The following PINX1 variants were observed in gnomAD, a reference collection of about 807,000 sequenced individuals.
PINX1 encodes the protein PIN2/TERF1-interacting telomerase inhibitor 1.
PINX1 carries 34 observed loss-of-function variants against 25.4 expected under a neutral mutation model. The ratio of observed to expected loss-of-function variants is 1.34; its 90% CI spans 1.02 to 1.78. The LOEUF is 1.78. PINX1 is among the 40% of genes most tolerant of loss of function. The pLI is 0.00. For synonymous variants in PINX1, 197 were observed against 147.7 expected, an observed-to-expected ratio of 1.33 and a Z score of -2.42; for missense variants, 592 against 404.9, an observed-to-expected ratio of 1.46 and a Z score of -3.97.
chr8:10,810,210 G>C (rs1424429326), intron 6 of PINX1, among the ~76,000 whole-genome samples: 1 of 152,160 alleles, frequency 6.6e-6, no homozygotes, highest in Admixed American at 6.5e-5. Flanking sequence ...GGTTTGGAGG[G>C]GACACACGTC....
At chr8:10,836,820 T>C (rs1798420374) in intron 1 of PINX1, among the ~76,000 whole-genome samples, 1 of 152,230 alleles carries the variant, frequency 6.6e-6, no homozygotes, top group Non-Finnish European at 1.5e-5. Flanking sequence ...AGAGCAGGCC[T>C]GCCATGCTTC....
chr8:10,830,984 G>A (rs979065733), intron 4 of PINX1, among the ~76,000 whole-genome samples: 1 of 152,190 alleles, frequency 6.6e-6, no homozygotes, highest in Non-Finnish European at 1.5e-5. Flanking sequence ...TGTTGCAGAG[G>A]TACCTGCAAA....
chr8:10,765,663 C>T lies in PINX1; in HGVS notation c.725G>A (p.Arg242Lys). 1 of 1,614,010 alleles carries T rather than the reference C, an allele frequency of 6.2e-7. No individual in the cohort carries two copies. Among genetic ancestry groups the T allele is most frequent in the Non-Finnish European group, 8.5e-7 (1 of 1,179,904 alleles). ...GGCCACTCGCTCCTGGGCCTCGGCC[C>T]TCTCGGGCTTTCCCTCCGTGTGCCT... ...AKRHTEGKPE[R>K]AEAQERVAKK... The change falls in exon 7 of 7, where the codon AGG becomes AAG. Residue 242 changes from arginine (R) to lysine (K), a missense_variant. Transcript: ENST00000314787.
chr8:10,784,019 C>T (rs963228419), intron 6 of PINX1, among the ~76,000 whole-genome samples: 6 of 152,128 alleles, frequency 3.9e-5, no homozygotes, highest in Non-Finnish European at 5.9e-5. Flanking sequence ...TGGTTAAAGC[C>T]TTGTAAGAAT....
At chr8:10,834,273 A>T (rs761735029) in intron 2 of PINX1, 80 of 168,066 alleles carry the variant, frequency 4.8e-4, no homozygotes, top group Non-Finnish European at 7.3e-4. Flanking sequence ...TACATCCAGC[A>T]CTGCTGAGGA....
chr8:10,793,701 C>T (rs1383777533), intron 6 of PINX1, among the ~76,000 whole-genome samples: 2 of 149,530 alleles, frequency 1.3e-5, no homozygotes, highest in African/African-American at 2.5e-5. Context: ...TTTCAATAGC[C>T]AGAAAAAAAA....
chr8:10,773,099 G>T (rs938927183), intron 6 of PINX1, among the ~76,000 whole-genome samples: 1 of 152,132 alleles, frequency 6.6e-6, no homozygotes, highest in African/African-American at 2.4e-5. Context: ...ACATACAATA[G>T]GTGCTAAGTA....
At chr8:10,824,943 T>C (rs970004157) in intron 5 of PINX1, among the ~76,000 whole-genome samples, 3 of 152,068 alleles carry the variant, frequency 2.0e-5, no homozygotes, top group Admixed American at 6.5e-5. Context: ...TTCTGTTCCA[T>C]AGCACGCTGG....
intron 1 of PINX1, among the ~76,000 whole-genome samples, chr8:10,835,546 C>A (rs760394204): frequency 2.6e-5 from 4 of 152,202 alleles, no homozygotes; most frequent in African/African-American, 9.6e-5. Flanking sequence ...GCCCTCTGAC[C>A]CCTCTTTGAA....
intron 6 of PINX1, among the ~76,000 whole-genome samples, chr8:10,814,086 G>A (rs978416108): frequency 6.6e-6 from 1 of 152,066 alleles, no homozygotes; most frequent in Non-Finnish European, 1.5e-5. Context: ...AGGGGCCCTG[G>A]GAATCTCAAT....
In PINX1 at chr8:10,765,528, C is replaced by A; in HGVS notation, c.860G>T (p.Arg287Leu). The change falls in exon 7 of 7, where the codon CGG (arginine) becomes CTG (leucine). Residue 287 changes from arginine to leucine, a missense_variant. Transcript: ENST00000314787. Reference protein sequence around the residue: ...AGDHVQPPEGRDFTLKPKKRR... With the variant: ...AGDHVQPPEGLDFTLKPKKRR... The stretch of plus-strand genomic sequence containing the variant: ...CTTTTTGGGCTTCAGGGTGAAGTCC[C>A]GGCCCTCAGGCGGCTGCACATGGTC... 6.2e-7 allele frequency: 1 copy of A among 1,613,724 alleles called. No homozygotes were observed. The highest frequency in any genetic ancestry group is 8.5e-7 in the Non-Finnish European group (1 of 1,179,902).
chr8:10,790,923 T>C (rs937098252), intron 6 of PINX1, among the ~76,000 whole-genome samples: 6 of 151,900 alleles, frequency 3.9e-5, no homozygotes, highest in African/African-American at 1.5e-4. Context: ...CCTCCCCCAG[T>C]TTTTATTGAG....
rs546691055 is a variant in PINX1 at position 10,783,763 on chromosome 8, A to G, written c.472-17847T>C. Among the ~76,000 whole-genome samples, 3 of 152,352 alleles carry G rather than the reference A, an allele frequency of 2.0e-5. No homozygotes were observed. In the East Asian group the frequency reaches 5.8e-4, roughly 29 times the overall value. On this transcript the variant is annotated intron_variant, in intron 6 of 6. Coordinates refer to ENST00000314787, the MANE Select transcript of PINX1 (RefSeq NM_017884.6). ...GAATTGGAGGGGAGAGGGAAACAGGAAGAAAATGATTAAAGTACTATTACT... is the reference window on the plus strand; with the variant it reads ...GAATTGGAGGGGAGAGGGAAACAGGGAGAAAATGATTAAAGTACTATTACT...
intron 5 of PINX1, chr8:10,825,413 T>C (rs564620573): frequency 8.8e-5 from 47 of 534,808 alleles, no homozygotes; most frequent in Non-Finnish European, 1.5e-4. Flanking sequence ...ATGTAAACTA[T>C]GTAATAAGTA....
At chr8:10,767,097 G>T (rs780419915) in intron 6 of PINX1, among the ~76,000 whole-genome samples, 4 of 142,164 alleles carry the variant, frequency 2.8e-5, no homozygotes, top group Non-Finnish European at 6.2e-5. Context: ...CACAAGAAGA[G>T]GCTGGGTGTT....
At chr8:10,813,748 C>G (rs1167362996) in intron 6 of PINX1, among the ~76,000 whole-genome samples, 1 of 152,024 alleles carries the variant, frequency 6.6e-6, no homozygotes, top group Non-Finnish European at 1.5e-5. Flanking sequence ...GGAGCCCATG[C>G]CAGAAGCATG....
At chr8:10,768,993 TAA>T (rs897132485) in intron 6 of PINX1, among the ~76,000 whole-genome samples, 30 of 151,944 alleles carry the variant, frequency 2.0e-4, no homozygotes, top group African/African-American at 6.8e-4. Flanking sequence ...CCTCAAAAAA[TAA>T]AATAAAAAAA....
Position 10,765,576 on chromosome 8 carries a change from T to C in PINX1, c.812A>G (p.Lys271Arg), listed in dbSNP as rs375011667. Reference sequence around the variant, plus strand: ...GTCCCCTGCATCCTGAGCAGAGGCCTTGGAACTCTGGTCCCAGCAGGGGCC... The same window carrying C: ...GTCCCCTGCATCCTGAGCAGAGGCCCTGGAACTCTGGTCCCAGCAGGGGCC... ...LRGPCWDQSS[K>R]ASAQDAGDHV... Residue 271 changes from lysine (K) to arginine (R), a missense_variant, in exon 7 of 7, where the codon AAG (lysine) becomes AGG (arginine). By Grantham distance (26) the Lys-to-Arg change is conservative. Transcript: ENST00000314787. The C allele has an allele frequency of 2.7e-5, 43 of 1,613,644 alleles. No individual in the cohort carries two copies. Among genetic ancestry groups the C allele is most frequent in the Non-Finnish European group, 3.2e-5 (38 of 1,179,882 alleles).
chr8:10,778,471 C>T (rs1302309712), intron 6 of PINX1, among the ~76,000 whole-genome samples: 2 of 152,136 alleles, frequency 1.3e-5, no homozygotes, highest in African/African-American at 4.8e-5. Flanking sequence ...TTCTCTGTCT[C>T]ATGTATCTCC....
Sources: allele counts gnomAD v4.1 joint callset (sites outside exome capture counted in the v4.1 genomes callset), GRCh38; gene constraint gnomAD v4.1.1; transcripts MANE v1.5; gene names NCBI Gene and HGNC (gene_info 2026-07-23, HGNC 2026-07-21).